SEMA6D: variants seen among roughly 807,000 people sequenced by gnomAD.
SEMA6D encodes the protein semaphorin 6D, also known as semaphorin-6D.
Under a neutral mutation model 106.6 loss-of-function variants are expected in SEMA6D, and 35 were observed. The observed-to-expected ratio is 0.33, with a 90% CI of 0.25 to 0.44. The LOEUF is 0.44. Among genes scored for constraint, SEMA6D ranks in the 20% least tolerant of loss-of-function variants. SEMA6D has a pLI of 1.00. For missense variants in SEMA6D, 1,185 were observed against 1,345.9 expected, an observed-to-expected ratio of 0.88 and a Z score of 1.87; for synonymous variants, 499 against 487.7, an observed-to-expected ratio of 1.02 and a Z score of -0.31.
intron 1 of SEMA6D, chr15:47,241,271 T>C (rs557772451): frequency 1.3e-5 from 2 of 152,250 alleles, no homozygotes; most frequent in East Asian, 1.9e-4. Context: ...AGTGTTAAAC[T>C]TGGGGCTTGG....
intron 3 of SEMA6D, among the ~76,000 whole-genome samples, chr15:47,479,902 T>TCTGTCACC (rs11282966): frequency 0.018 from 2,601 of 141,012 alleles, 85 homozygotes; most frequent in African/African-American, 0.067. Context: ...AGAGTCTCAC[T>TCTGTCACC]CTGTCACCCA....
At chr15:47,464,602 A>G (rs1050230725) in intron 2 of SEMA6D, among the ~76,000 whole-genome samples, 4 of 152,094 alleles carry the variant, frequency 2.6e-5, no homozygotes, top group African/African-American at 9.7e-5. Flanking sequence ...CATGGTAGCT[A>G]ATTCCCTGCC....
chr15:47,408,630 G>A (rs1487221728), intron 1 of SEMA6D, among the ~76,000 whole-genome samples: 4 of 152,162 alleles, frequency 2.6e-5, no homozygotes, highest in Admixed American at 2.6e-4. Flanking sequence ...GATTAAAAAG[G>A]GGGAATCTGA....
intron 1 of SEMA6D, among the ~76,000 whole-genome samples, chr15:47,364,456 C>G (rs2038935493): frequency 6.6e-6 from 1 of 152,208 alleles, no homozygotes; most frequent in Non-Finnish European, 1.5e-5. Flanking sequence ...AGGCTAGCTC[C>G]AGGGACCTGC....
chr15:47,550,815 C>T (rs1404771875), intron 3 of SEMA6D, among the ~76,000 whole-genome samples: 1 of 152,168 alleles, frequency 6.6e-6, no homozygotes, highest in Non-Finnish European at 1.5e-5. Flanking sequence ...AACCAATGTC[C>T]TGTAAACCTC....
intron 1 of SEMA6D, among the ~76,000 whole-genome samples, chr15:47,207,743 G>T (rs1170705965): frequency 1.3e-5 from 2 of 152,114 alleles, no homozygotes; most frequent in East Asian, 3.9e-4. Flanking sequence ...AAGAGAAAAG[G>T]GCTCTAAATT....
rs116423884 is a variant in SEMA6D, at chr15:47,633,401, A to G, written c.-55+32505A>G. 3.1e-3 allele frequency among the ~76,000 whole-genome samples: 478 copies of G among 152,270 alleles called. 2 individuals are homozygous for G. Among genetic ancestry groups the G allele is most frequent in the African/African-American group, 0.011 (458 of 41,580 alleles). On this transcript the variant is annotated intron_variant, in intron 4 of 19. Transcript: ENST00000558014. ...TTGATAAAGGATTGTTTCACTGGATATAGAAATCAGAGTTGACAATTCTTT... is the reference window on the plus strand; with the variant it reads ...TTGATAAAGGATTGTTTCACTGGATGTAGAAATCAGAGTTGACAATTCTTT...
chr15:47,589,013 AC>A (rs1278103264), intron 3 of SEMA6D, among the ~76,000 whole-genome samples: 4 of 152,228 alleles, frequency 2.6e-5, no homozygotes, highest in Non-Finnish European at 4.4e-5. Flanking sequence ...CAGACCCCCA[AC>A]AAAGGATTAT....
chr15:47,429,530 T>C (rs1215226830), intron 2 of SEMA6D, among the ~76,000 whole-genome samples: 2 of 152,150 alleles, frequency 1.3e-5, no homozygotes, highest in Non-Finnish European at 2.9e-5. Context: ...TATTGTGTTA[T>C]CACCCTATTG....
intron 1 of SEMA6D, among the ~76,000 whole-genome samples, chr15:47,410,091 C>G (rs28507614): frequency 0.01 from 1,582 of 152,222 alleles, 36 homozygotes; most frequent in African/African-American, 0.036. Context: ...CCTCTGACCT[C>G]AGCCTCCTGA....
intron 4 of SEMA6D, chr15:47,601,021 G>C (rs1199090894): frequency 6.6e-6 from 1 of 152,078 alleles, no homozygotes. Context: ...GAGTTTACTG[G>C]TGATGTTAGT....
At chr15:47,556,580 T>C (rs909059911) in intron 3 of SEMA6D, among the ~76,000 whole-genome samples, 1 of 152,180 alleles carries the variant, frequency 6.6e-6, no homozygotes, top group Non-Finnish European at 1.5e-5. Flanking sequence ...TTTTTTATTG[T>C]CCTGTTATTT....
chr15:47,283,499 T>A (rs920214928), intron 1 of SEMA6D, among the ~76,000 whole-genome samples: 1 of 152,188 alleles, frequency 6.6e-6, no homozygotes, highest in Non-Finnish European at 1.5e-5. Flanking sequence ...CACTTTTCTT[T>A]CCAAACTCTC....
chr15:47,218,784 G>A (rs1196940107), intron 1 of SEMA6D, among the ~76,000 whole-genome samples: 2 of 152,082 alleles, frequency 1.3e-5, no homozygotes, highest in East Asian at 1.9e-4. Flanking sequence ...CTCATCTAAC[G>A]GTCACAGTAA....
intron 1 of SEMA6D, among the ~76,000 whole-genome samples, chr15:47,304,764 A>G (rs2036171322): frequency 6.6e-6 from 1 of 152,186 alleles, no homozygotes; most frequent in Admixed American, 6.5e-5. Flanking sequence ...AATTATGAAC[A>G]AGATTCTTAT....
intron 2 of SEMA6D, among the ~76,000 whole-genome samples, chr15:47,457,889 A>T (rs2042391597): frequency 6.6e-6 from 1 of 151,930 alleles, no homozygotes; most frequent in Non-Finnish European, 1.5e-5. Flanking sequence ...AGAAAACCTT[A>T]AAAGTAGCCA....
intron 2 of SEMA6D, among the ~76,000 whole-genome samples, chr15:47,414,438 G>A (rs1377306006): frequency 2.0e-5 from 3 of 152,094 alleles, no homozygotes; most frequent in Non-Finnish European, 2.9e-5. Context: ...CCAAGGTTGA[G>A]CAATGTGAGG....
chr15:47,568,706 A>G (rs1447054351), intron 3 of SEMA6D, among the ~76,000 whole-genome samples: 2 of 152,072 alleles, frequency 1.3e-5, no homozygotes, highest in Non-Finnish European at 2.9e-5. Flanking sequence ...ATTTTCCCAT[A>G]TTAAAAATCA....
At chr15:47,557,350 T>C (rs1303101031) in intron 3 of SEMA6D, among the ~76,000 whole-genome samples, 1 of 152,222 alleles carries the variant, frequency 6.6e-6, no homozygotes, top group African/African-American at 2.4e-5. Context: ...CCTACGGTTG[T>C]GATTTTACTA....
Sources: allele counts gnomAD v4.1 joint callset (sites outside exome capture counted in the v4.1 genomes callset), GRCh38; gene constraint gnomAD v4.1.1; transcripts MANE v1.5; gene names NCBI Gene and HGNC (gene_info 2026-07-23, HGNC 2026-07-21).